CTNNA3: variants seen among roughly 807,000 people sequenced by gnomAD.
CTNNA3 encodes the protein catenin alpha 3, also known as catenin alpha-3.
A neutral mutation model predicts 95.7 loss-of-function variants in CTNNA3; 76 were observed. That is an observed-to-expected ratio of 0.79 (90% confidence interval 0.66 to 0.96). The LOEUF (loss-of-function observed/expected upper bound fraction) is 0.96, where lower values mean the gene tolerates loss of function less well. Ranked by LOEUF, CTNNA3 falls within the 40% of genes least tolerant of loss-of-function variation. CTNNA3 has a pLI of 0.00. For synonymous variants in CTNNA3, 431 were observed against 374.4 expected, an observed-to-expected ratio of 1.15 and a Z score of -1.74; for missense variants, 1,191 against 1,089.8, an observed-to-expected ratio of 1.09 and a Z score of -1.31.
chr10:66,526,450 G>T (rs111820661), intron 10 of CTNNA3, among the ~76,000 whole-genome samples: 1 of 152,166 alleles, frequency 6.6e-6, no homozygotes, highest in Non-Finnish European at 1.5e-5. Context: ...GCCTCCCAAA[G>T]TGCTGGGATT....
chr10:67,371,159 C>A (rs1013543075), intron 5 of CTNNA3, among the ~76,000 whole-genome samples: 1 of 151,806 alleles, frequency 6.6e-6, no homozygotes, highest in African/African-American at 2.4e-5. Flanking sequence ...AGCCACCGCG[C>A]CCGGCCAAGA....
chr10:66,482,033 T>C (rs933142222), intron 11 of CTNNA3, among the ~76,000 whole-genome samples: 3 of 152,140 alleles, frequency 2.0e-5, no homozygotes, highest in Non-Finnish European at 2.9e-5. Context: ...TCTAAATTTA[T>C]GTGTATGTTT....
At chr10:66,461,337 T>C (rs112678643) in intron 11 of CTNNA3, among the ~76,000 whole-genome samples, 2,154 of 152,270 alleles carry the variant, frequency 0.014, 52 homozygotes, top group African/African-American at 0.049. Flanking sequence ...GATATTTGAA[T>C]TGCATGGGCA....
At chr10:66,749,152 A>T (rs1017200702) in intron 9 of CTNNA3, among the ~76,000 whole-genome samples, 1 of 145,814 alleles carries the variant, frequency 6.9e-6, no homozygotes, top group Non-Finnish European at 1.5e-5. Context: ...GCAGTGAGCC[A>T]AGATTGTGCC....
At chr10:66,016,203 A>T (rs2079092973) in intron 15 of CTNNA3, among the ~76,000 whole-genome samples, 1 of 152,210 alleles carries the variant, frequency 6.6e-6, no homozygotes, top group African/African-American at 2.4e-5. Flanking sequence ...TTAATAGCTC[A>T]TTTATTGAGA....
intron 12 of CTNNA3, among the ~76,000 whole-genome samples, chr10:66,293,508 G>A (rs779731145): frequency 6.6e-6 from 1 of 151,936 alleles, no homozygotes; most frequent in Non-Finnish European, 1.5e-5. Flanking sequence ...TTCTTAATTT[G>A]ATAGATATTT....
At chr10:67,200,979 C>A (rs989188703) in intron 6 of CTNNA3, among the ~76,000 whole-genome samples, 1 of 152,126 alleles carries the variant, frequency 6.6e-6, no homozygotes, top group African/African-American at 2.4e-5. Context: ...TTGACCCCAA[C>A]GGATGCTCTC....
At chr10:66,293,656 CTTTTTTCTTTCTTTTTTTTTT>C (rs1016221363) in intron 12 of CTNNA3, among the ~76,000 whole-genome samples, 10 of 144,428 alleles carry the variant, frequency 6.9e-5, no homozygotes, top group African/African-American at 2.1e-4. Context: ...ATTATTTTTT[CTTTTTTCTTTCTTTTTTTTTT>C]TTTTCTGAGA....
At chr10:67,496,084 C>T (rs1030064558) in intron 5 of CTNNA3, among the ~76,000 whole-genome samples, 3 of 152,140 alleles carry the variant, frequency 2.0e-5, no homozygotes, top group Non-Finnish European at 2.9e-5. Context: ...TTTCTTATAT[C>T]GAGCACCCTA....
intron 10 of CTNNA3, among the ~76,000 whole-genome samples, chr10:66,601,094 G>T (rs1391151523): frequency 6.6e-6 from 1 of 151,716 alleles, no homozygotes; most frequent in African/African-American, 2.4e-5. Flanking sequence ...ACCATTGCAA[G>T]AATTAAATAT....
chr10:67,354,986 C>T (rs1842761979), intron 5 of CTNNA3, among the ~76,000 whole-genome samples: 1 of 151,852 alleles, frequency 6.6e-6, no homozygotes, highest in South Asian at 2.1e-4. Context: ...ACCCATAAAC[C>T]TACCATAGAA....
At chr10:66,523,750 T>C (rs1385227082) in intron 10 of CTNNA3, among the ~76,000 whole-genome samples, 3 of 152,150 alleles carry the variant, frequency 2.0e-5, no homozygotes, top group African/African-American at 7.2e-5. Context: ...ACTGGGCCAT[T>C]CTAGTAGCCT....
intron 9 of CTNNA3, among the ~76,000 whole-genome samples, chr10:66,669,910 G>T (rs1846597224): frequency 6.6e-6 from 1 of 152,126 alleles, no homozygotes; most frequent in African/African-American, 2.4e-5. Context: ...ACACAGTGAG[G>T]CAGTGAGGGT....
intron 7 of CTNNA3, among the ~76,000 whole-genome samples, chr10:67,178,653 T>C (rs1862359100): frequency 6.6e-6 from 1 of 152,134 alleles, no homozygotes; most frequent in African/African-American, 2.4e-5. Flanking sequence ...ATAAAATAAC[T>C]TTCTATTTTA....
chr10:67,555,707 C>T (rs1030318405), intron 3 of CTNNA3, among the ~76,000 whole-genome samples: 1 of 152,192 alleles, frequency 6.6e-6, no homozygotes, highest in Admixed American at 6.5e-5. Flanking sequence ...CAAACAGAGA[C>T]AATTTGACTT....
chr10:66,978,764 A>C (rs1850230369), intron 7 of CTNNA3, among the ~76,000 whole-genome samples: 1 of 139,518 alleles, frequency 7.2e-6, no homozygotes, highest in Non-Finnish European at 1.6e-5. Flanking sequence ...ATTTTTATTT[A>C]ATTAAATAAA....
chr10:67,264,247 A>G (rs1355584402), intron 5 of CTNNA3, among the ~76,000 whole-genome samples: 1 of 152,158 alleles, frequency 6.6e-6, no homozygotes, highest in East Asian at 1.9e-4. Flanking sequence ...CCCTGGCGGT[A>G]GGAAGGACCA....
chr10:67,703,880 C>T (rs186943501), intron 1 of CTNNA3, among the ~76,000 whole-genome samples: 54 of 152,320 alleles, frequency 3.5e-4, no homozygotes, highest in Admixed American at 2.3e-3. Flanking sequence ...GAAAACCCCA[C>T]TGTCTCAGCC....
intron 12 of CTNNA3, among the ~76,000 whole-genome samples, chr10:66,325,055 G>C (rs192866107): frequency 6.6e-6 from 1 of 151,934 alleles, no homozygotes; most frequent in Non-Finnish European, 1.5e-5. Flanking sequence ...AGAGAGGAGG[G>C]AGCTACACAG....
Sources: allele counts gnomAD v4.1 joint callset (sites outside exome capture counted in the v4.1 genomes callset), GRCh38; gene constraint gnomAD v4.1.1; transcripts MANE v1.5; gene names NCBI Gene and HGNC (gene_info 2026-07-23, HGNC 2026-07-21).